WDFY1: variants seen among roughly 807,000 people sequenced by gnomAD.
WDFY1 encodes WD repeat and FYVE domain-containing protein 1.
Under a neutral mutation model 56.4 loss-of-function variants are expected in WDFY1, and 32 were observed. The ratio of observed to expected loss-of-function variants is 0.57; its 90% CI spans 0.43 to 0.76. The LOEUF is 0.76. WDFY1 is among the 30% of genes least tolerant of loss of function. The pLI is 0.00. For synonymous variants in WDFY1, 192 were observed against 197.3 expected, an observed-to-expected ratio of 0.97 and a Z score of 0.23; for missense variants, 480 against 545.7, an observed-to-expected ratio of 0.88 and a Z score of 1.20.
intron 1 of WDFY1, among the ~76,000 whole-genome samples, chr2:223,929,290 C>A (rs1329253775): frequency 1.3e-5 from 2 of 150,450 alleles, no homozygotes; most frequent in Non-Finnish European, 2.9e-5. Context: ...CGGGTTCAAG[C>A]GATTCTCCTG....
intron 8 of WDFY1, among the ~76,000 whole-genome samples, chr2:223,890,135 C>T (rs946204581): frequency 4.6e-5 from 7 of 152,188 alleles, no homozygotes; most frequent in Non-Finnish European, 8.8e-5. Context: ...CAGATCTGAG[C>T]TCTTGCCTCA....
intron 1 of WDFY1, among the ~76,000 whole-genome samples, chr2:223,933,484 G>C (rs558033524): frequency 6.6e-5 from 10 of 151,910 alleles, no homozygotes; most frequent in African/African-American, 2.2e-4. Context: ...GAATAATCTA[G>C]ACAGGCTGGA....
intron 1 of WDFY1, among the ~76,000 whole-genome samples, chr2:223,930,713 C>T (rs139090077): frequency 1.3e-5 from 2 of 152,208 alleles, no homozygotes; most frequent in African/African-American, 4.8e-5. Flanking sequence ...GCCTGGTTTG[C>T]TCTCACTCTG....
chr2:223,897,390 A>ATATATATT (rs1461451983), intron 6 of WDFY1, among the ~76,000 whole-genome samples: 27 of 125,972 alleles, frequency 2.1e-4, no homozygotes, highest in African/African-American at 3.0e-4. Context: ...ATATATATAT[A>ATATATATT]TTTTTTAAGA....
Position 223,902,883 on chromosome 2 carries a change from A to G in WDFY1, c.335-1550T>C, listed in dbSNP as rs564094122. On this transcript the variant is annotated intron_variant, in intron 4 of 11. Coordinates refer to ENST00000233055, the MANE Select transcript of WDFY1 (RefSeq NM_020830.5). ...TTTTTCCACTAAATCTGTAGTTGTT[A>G]AACTCGGGCCAAACAGTCATAGGGT... Among the ~76,000 whole-genome samples the G allele has an allele frequency of 2.6e-5, 4 of 152,120 alleles. 1 individual carries two copies. The highest frequency in any genetic ancestry group is 9.6e-5 in the African/African-American group (4 of 41,534).
intron 4 of WDFY1, 46 bp from the exon 5 acceptor site, chr2:223,901,379 C>T: frequency 6.2e-7 from 1 of 1,607,842 alleles, no homozygotes. Context: ...AGAAACAGCA[C>T]TCTATGGGGA....
intron 1 of WDFY1, among the ~76,000 whole-genome samples, chr2:223,942,421 T>C (rs977982943): frequency 1.3e-5 from 2 of 151,564 alleles, no homozygotes; most frequent in Non-Finnish European, 2.9e-5. Flanking sequence ...GGTTTCGCCG[T>C]GTTAGCCAGG....
intron 2 of WDFY1, 147 bp downstream of exon 2, chr2:223,917,796 T>C (rs543574730): frequency 7.9e-5 from 61 of 775,024 alleles, no homozygotes; most frequent in Admixed American, 7.5e-4. Flanking sequence ...GGTCTCAAAC[T>C]CCTGACCCCA....
chr2:223,916,719 A>C (rs1479719606), intron 2 of WDFY1, among the ~76,000 whole-genome samples: 2 of 152,158 alleles, frequency 1.3e-5, no homozygotes, highest in Non-Finnish European at 2.9e-5. Flanking sequence ...GAAAGGTTGA[A>C]GAAAGGAAGT....
chr2:223,935,829 G>A (rs1053238794), intron 1 of WDFY1, among the ~76,000 whole-genome samples: 13 of 152,148 alleles, frequency 8.5e-5, no homozygotes, highest in Non-Finnish European at 1.9e-4. Context: ...TTCAATGGAG[G>A]AGGTGGAACT....
intron 8 of WDFY1, among the ~76,000 whole-genome samples, chr2:223,893,529 C>CAA (rs61458649): frequency 5.2e-5 from 7 of 135,830 alleles, no homozygotes; most frequent in African/African-American, 1.9e-4. Context: ...GACCCTGTCT[C>CAA]AAAAAAAAAA....
chr2:223,887,186 T>C (rs1340789608), intron 8 of WDFY1, among the ~76,000 whole-genome samples: 2 of 152,144 alleles, frequency 1.3e-5, no homozygotes, highest in Non-Finnish European at 2.9e-5. Flanking sequence ...TGGAGGCTGG[T>C]GATGTGTGGG....
At chr2:223,894,460 T>G (rs1329876995) in intron 7 of WDFY1, 121 bp from the exon 8 acceptor site, 6 of 874,408 alleles carry the variant, frequency 6.9e-6, no homozygotes, top group Non-Finnish European at 1.1e-5. Flanking sequence ...CCACTGACTA[T>G]TTAGCATGGT....
chr2:223,916,520 T>G (rs1449987164), intron 2 of WDFY1, among the ~76,000 whole-genome samples: 1 of 152,234 alleles, frequency 6.6e-6, no homozygotes, highest in East Asian at 1.9e-4. Flanking sequence ...AAAGCCTTTT[T>G]TCTTTTCTTA....
intron 6 of WDFY1, among the ~76,000 whole-genome samples, chr2:223,898,691 C>T (rs1022101191): frequency 6.6e-6 from 1 of 152,130 alleles, no homozygotes; most frequent in African/African-American, 2.4e-5. Context: ...AGGTGTGAAC[C>T]AATGTGCCAG....
At chr2:223,927,587 T>C (rs1694005791) in intron 1 of WDFY1, among the ~76,000 whole-genome samples, 1 of 152,234 alleles carries the variant, frequency 6.6e-6, no homozygotes, top group Non-Finnish European at 1.5e-5. Flanking sequence ...GTGGCTGGTC[T>C]GATCTTCTAT....
intron 2 of WDFY1, among the ~76,000 whole-genome samples, chr2:223,917,128 G>A (rs642631): frequency 0.86 from 131,262 of 152,168 alleles, 57,105 homozygotes; most frequent in Non-Finnish European, 0.93. Context: ...GGGCTGCTTT[G>A]AAGTCTCAAA....
chr2:223,878,851 C>A, intron 11 of WDFY1, 121 bp from the exon 12 acceptor site: 1 of 1,251,744 alleles, frequency 8.0e-7, no homozygotes, highest in Non-Finnish European at 1.1e-6. Flanking sequence ...TGAATTTTCT[C>A]ATTCTCCTCT....
At chr2:223,905,926 G>T (rs1354574766) in intron 4 of WDFY1, 21 bp downstream of exon 4, 1 of 1,514,590 alleles carries the variant, frequency 6.6e-7, no homozygotes, top group Admixed American at 2.3e-5. Flanking sequence ...GTGTACGCAA[G>T]ATAATGTGTA....
Sources: allele counts gnomAD v4.1 joint callset (sites outside exome capture counted in the v4.1 genomes callset), GRCh38; gene constraint gnomAD v4.1.1; transcripts MANE v1.5; gene names NCBI Gene and HGNC (gene_info 2026-07-23, HGNC 2026-07-21).